Variants in PTPRU observed in about 807,000 individuals in gnomAD.
PTPRU encodes the protein protein tyrosine phosphatase receptor type U.
A neutral mutation model predicts 166.3 loss-of-function variants in PTPRU; 69 were observed. That is an observed-to-expected ratio of 0.41 (90% CI 0.34 to 0.51). The LOEUF (loss-of-function observed/expected upper bound fraction) is 0.51. Among genes scored for constraint, PTPRU ranks in the 20% least tolerant of loss-of-function variants. PTPRU has a pLI of 0.09. For missense variants in PTPRU, 1,657 were observed against 2,013.7 expected (o/e 0.82, Z 3.39); for synonymous variants, 793 against 814.0 (o/e 0.97, Z 0.44).
chr1:29,279,689 C>A lies in PTPRU; in HGVS notation c.1765+32C>A. ...CCCACCTGACCCGGCCCAGCCTCTT[C>A]GGAGGTGGCCCAGAATCCCAGGGTT... On this transcript the variant is annotated intron_variant, in intron 10 of 29. Transcript: ENST00000373779. The surrounding 1 kb of genome is among the most constrained non-coding windows in gnomAD (Gnocchi z 5.2). The A allele has an allele frequency of 6.2e-7, 1 of 1,600,080 alleles. No homozygotes were observed. Among genetic ancestry groups the A allele is most frequent in the South Asian group, 1.1e-5 (1 of 90,858 alleles).
In PTPRU at chr1:29,246,124, G is replaced by T. The variant is rs962580138; in HGVS notation, c.74-9151G>T. ...CCCCTCTGCATTCCACAGTTGCATT[G>T]TACCAACAGTGCACTTTGCCCCATA... On this transcript the variant is annotated intron_variant, in intron 1 of 29. Coordinates refer to ENST00000373779, the MANE Select transcript of PTPRU (RefSeq NM_133178.4). 3.3e-5 allele frequency among the ~76,000 whole-genome samples: 5 copies of T among 152,246 alleles called. No homozygotes were observed. The South Asian group carries it at 1.0e-3, about 31-fold the overall frequency.
intron 7 of PTPRU, among the ~76,000 whole-genome samples, chr1:29,264,720 G>A (rs1161126419): frequency 6.6e-6 from 1 of 152,060 alleles, no homozygotes; most frequent in African/African-American, 2.4e-5. Flanking sequence ...TGGCCGGGCT[G>A]GTCTCAAACT....
rs775082864 is a variant in PTPRU at position 29,304,016 on chromosome 1, G to A, written c.2638G>A (p.Glu880Lys). Residue 880 changes from glutamate to lysine, a missense_variant, in exon 16 of 30, where the codon GAG (glutamate) becomes AAG (lysine). This residue lies in a region of PTPRU where 1,190 missense variants were observed against 1,477.4 expected (regional missense o/e 0.81). Coordinates refer to ENST00000373779, the MANE Select transcript of PTPRU (RefSeq NM_133178.4). ...LQHINQMKTA[E>K]GYGFKQEYES... Reference sequence around the variant, plus strand: ...GCACATCAACCAGATGAAGACGGCCGAGGGTTACGGCTTCAAGCAGGAGTA... The same window carrying A: ...GCACATCAACCAGATGAAGACGGCCAAGGGTTACGGCTTCAAGCAGGAGTA... 13 of 1,610,860 alleles carry A rather than the reference G, an allele frequency of 8.1e-6. No individual in the cohort carries two copies. The highest frequency in any genetic ancestry group is 4.4e-5 in the South Asian group (4 of 90,980).
At position 29,280,178 on chromosome 1, in the gene PTPRU, C is replaced by G. The variant is rs758448784; in HGVS notation, c.1868+37C>G. On this transcript the variant is annotated intron_variant, in intron 11 of 29. Coordinates refer to ENST00000373779, the MANE Select transcript of PTPRU (RefSeq NM_133178.4). The surrounding 1 kb of genome is among the most constrained non-coding windows in gnomAD (Gnocchi z 4.2). ...GGGACGGAGGGGTGGGAGTCCAGGG[C>G]CTTAGGAAAGAGGCCCCTCCTCTGA... 2.1e-5 allele frequency: 32 copies of G among 1,558,942 alleles called. No individual in the cohort carries two copies. In the African/African-American group the frequency reaches 4.3e-4, roughly 21 times the overall value.
Position 29,291,986 on chromosome 1 carries a change from G to A in PTPRU, c.2436G>A (p.Leu812=). 1 of 1,614,168 alleles carries A rather than the reference G, an allele frequency of 6.2e-7. No individual in the cohort carries two copies. Residue 812 remains leucine, a synonymous_variant, in exon 15 of 30, where the codon CTG becomes CTA. Transcript: ENST00000373779. This position sits in a 1 kb window ranked among gnomAD's most constrained non-coding sequence, Gnocchi z 4.1. ...DQSTLQEDER[L]GLSFMDTHGY... ...GCACCCTGCAGGAGGACGAGCGGCT[G>A]GGCCTGTCCTTCATGGACACCCATG...
chr1:29,260,767 C>G lies in PTPRU; in HGVS notation c.1008C>G (p.Ala336=), dbSNP rs1279687694. 1.9e-6 allele frequency: 3 copies of G among 1,613,334 alleles called. No individual in the cohort carries two copies. The highest frequency in any genetic ancestry group is 2.2e-5 in the South Asian group (2 of 91,010). ...MARGPWAEVH[A]VSLQTYKLWH... Reference sequence around the variant, plus strand: ...GCGGGCCCTGGGCTGAGGTGCACGCCGTCAGCCTGCAGACCTACAAGCTGT... The same window carrying G: ...GCGGGCCCTGGGCTGAGGTGCACGCGGTCAGCCTGCAGACCTACAAGCTGT... Residue 336 remains alanine, a synonymous_variant, in exon 7 of 30, where the codon GCC becomes GCG. Transcript: ENST00000373779. This position sits in a 1 kb window ranked among gnomAD's most constrained non-coding sequence, Gnocchi z 8.3.
rs778797101 is a variant in PTPRU at position 29,317,849 on chromosome 1, C to T, written c.3615C>T (p.Pro1205=). The T allele has an allele frequency of 1.4e-5, 22 of 1,613,842 alleles. No homozygotes were observed. The highest frequency in any genetic ancestry group is 1.3e-4 in the South Asian group (12 of 91,094). Residue 1205 remains proline, a synonymous_variant, in exon 25 of 30, where the codon CCC becomes CCT. Coordinates refer to ENST00000373779, the MANE Select transcript of PTPRU (RefSeq NM_133178.4). This position sits in a 1 kb window ranked among gnomAD's most constrained non-coding sequence, Gnocchi z 5.6. Reference sequence around the variant, plus strand: ...ACCGCAGCATGGACGTCCTGCCGCCCGACCGCTGCCTGCCCTTCCTCATCT... The same window carrying T: ...ACCGCAGCATGGACGTCCTGCCGCCTGACCGCTGCCTGCCCTTCCTCATCT... The part of the protein sequence containing the change: ...DKNRSMDVLP[P]DRCLPFLIST...
intron 12 of PTPRU, among the ~76,000 whole-genome samples, chr1:29,283,374 G>T (rs559533729): frequency 6.7e-6 from 1 of 150,260 alleles, no homozygotes; most frequent in African/African-American, 2.5e-5. Context: ...CTGACCCCAG[G>T]CTCCTTCCCA....
At chr1:29,318,240 A>G (rs1687991971) in intron 25 of PTPRU, among the ~76,000 whole-genome samples, 1 of 152,116 alleles carries the variant, frequency 6.6e-6, no homozygotes, top group Admixed American at 6.5e-5. Flanking sequence ...GGGTTTGGGG[A>G]TGGAACTCGA....
At position 29,291,071 on chromosome 1, in the gene PTPRU, A is replaced by G. The variant is rs551322357; in HGVS notation, c.2319-798A>G. ...CTCCCCACCTCCTTTTCTCCCTCCC[A>G]CTTTCCTCCAAGTTCCTTCGAAGTC... On this transcript the variant is annotated intron_variant, in intron 14 of 29. Transcript: ENST00000373779. This position sits in a 1 kb window ranked among gnomAD's most constrained non-coding sequence, Gnocchi z 4.1. 6.6e-6 allele frequency among the ~76,000 whole-genome samples: 1 copy of G among 151,850 alleles called. No homozygotes were observed. The highest frequency in any genetic ancestry group is 2.4e-5 in the African/African-American group (1 of 41,370).
Position 29,236,546 on chromosome 1 carries a change from C to T in PTPRU, c.-99C>T. ...CAGTCCCGCTCCGCGCCGCGCCGCTCCGCTCCGGCTCGGGCTCCGGCTCGC... is the reference window on the plus strand; with the variant it reads ...CAGTCCCGCTCCGCGCCGCGCCGCTTCGCTCCGGCTCGGGCTCCGGCTCGC... On this transcript the variant is annotated 5_prime_UTR_variant, in exon 1 of 30. Transcript: ENST00000373779. This position sits in a 1 kb window ranked among gnomAD's most constrained non-coding sequence, Gnocchi z 4.6. The T allele has an allele frequency of 1.1e-6, 1 of 950,582 alleles. No individual in the cohort carries two copies. The highest frequency in any genetic ancestry group is 1.3e-6 in the Non-Finnish European group (1 of 761,178). 58.9% of individuals were successfully genotyped at this position (950,582 alleles called of 1,614,324 possible). A position where few individuals can be genotyped will look rare whatever the true frequency, so the allele number is the denominator to read the frequency against.
intron 2 of PTPRU, among the ~76,000 whole-genome samples, chr1:29,258,125 C>T (rs1314722586): frequency 6.6e-6 from 1 of 152,152 alleles, no homozygotes; most frequent in Non-Finnish European, 1.5e-5. Flanking sequence ...CTACCACACC[C>T]TGCTAATTTT....
At chr1:29,244,452 C>A (rs1684198902) in intron 1 of PTPRU, among the ~76,000 whole-genome samples, 1 of 152,036 alleles carries the variant, frequency 6.6e-6, no homozygotes, top group African/African-American at 2.4e-5. Context: ...TAAGAGGTGA[C>A]AACTGGGAGC....
Position 29,320,670 on chromosome 1 carries a change from C to T in PTPRU, c.3688-15C>T. ...GCCGGGAACAGGGCCCTGCTGAGTT[C>T]CGGTTTCCCTGCAGAGCTACACACG... is the stretch of plus-strand genomic sequence containing the variant. On this transcript the variant is annotated splice_polypyrimidine_tract_variant and intron_variant, in intron 25 of 29. Coordinates refer to ENST00000373779, the MANE Select transcript of PTPRU (RefSeq NM_133178.4). This position sits in a 1 kb window ranked among gnomAD's most constrained non-coding sequence, Gnocchi z 5.2. The T allele has an allele frequency of 6.4e-7, 1 of 1,560,904 alleles. No homozygotes were observed. Among genetic ancestry groups the T allele is most frequent in the Non-Finnish European group, 8.7e-7 (1 of 1,144,716 alleles).
At position 29,320,568 on chromosome 1, in the gene PTPRU, T is replaced by C; in HGVS notation, c.3688-117T>C. ...TGGCCCACTGGAGGCAGCCTGGTCC[T>C]GTGGGGCACAACCGTCCAACTCAGG... is the stretch of plus-strand genomic sequence containing the variant. On this transcript the variant is annotated intron_variant, in intron 25 of 29. Coordinates refer to ENST00000373779, the MANE Select transcript of PTPRU (RefSeq NM_133178.4). This position sits in a 1 kb window ranked among gnomAD's most constrained non-coding sequence, Gnocchi z 5.2. 1 of 1,237,914 alleles carries C rather than the reference T, an allele frequency of 8.1e-7. No homozygotes were observed. Among genetic ancestry groups the C allele is most frequent in the Non-Finnish European group, 1.1e-6 (1 of 927,976 alleles). 76.7% of individuals were successfully genotyped at this position (1,237,914 alleles called of 1,614,324 possible). A position where few individuals can be genotyped will look rare whatever the true frequency, so the allele number is the denominator to read the frequency against.
Position 29,326,220 on chromosome 1 carries a change from C to A in PTPRU, c.*559C>A. 1 of 236,850 alleles carries A rather than the reference C, an allele frequency of 4.2e-6. No homozygotes were observed. The highest frequency in any genetic ancestry group is 8.1e-6 in the Non-Finnish European group (1 of 123,382). The allele number at this position is 236,850 out of a possible 1,614,324, so 14.7% of individuals were successfully genotyped here. ...ACTGTCCTCCCCAGGGGAACTGCAG[C>A]GCCCTCCTCCCCACTGCCCCCTGCA... On this transcript the variant is annotated 3_prime_UTR_variant, in exon 30 of 30. Coordinates refer to ENST00000373779, the MANE Select transcript of PTPRU (RefSeq NM_133178.4).
chr1:29,312,107 G>C (rs560270991), intron 21 of PTPRU, among the ~76,000 whole-genome samples: 1 of 152,366 alleles, frequency 6.6e-6, no homozygotes, highest in African/African-American at 2.4e-5. Flanking sequence ...GCTTATGCCA[G>C]GCAGGAGAGG....
chr1:29,270,689 G>A (rs903324807), intron 7 of PTPRU, among the ~76,000 whole-genome samples: 20 of 152,204 alleles, frequency 1.3e-4, no homozygotes, highest in Admixed American at 6.5e-5. Flanking sequence ...ATGGCCAGGT[G>A]CAGTGGCTCA....
chr1:29,311,389 G>A lies in PTPRU; in HGVS notation c.2858-67G>A. On this transcript the variant is annotated intron_variant, in intron 19 of 29. Coordinates refer to ENST00000373779, the MANE Select transcript of PTPRU (RefSeq NM_133178.4). This position sits in a 1 kb window ranked among gnomAD's most constrained non-coding sequence, Gnocchi z 4.1. ...GGCCTGGGGTGTGGTGCTGGATGGT[G>A]CTGGATGTGCTGACCTGGGGTGGAG... is the stretch of plus-strand genomic sequence containing the variant. 6.7e-7 allele frequency: 1 copy of A among 1,501,070 alleles called. No homozygotes were observed. 93.0% of individuals were successfully genotyped at this position (1,501,070 alleles called of 1,614,324 possible).
Sources: gnomAD v4.1 joint callset for allele counts (sites outside exome capture counted in the v4.1 genomes callset) on GRCh38, gnomAD v4.1.1 for gene constraint, gnomAD v4.1.1 regional missense constraint, Gnocchi (gnomAD v3.1) non-coding constraint, MANE v1.5 for transcripts, NCBI Gene and HGNC (gene_info 2026-07-23, HGNC 2026-07-21) for gene names.